Variants in KLKB1 observed in about 807,000 individuals in gnomAD.
The protein encoded by KLKB1 is kallikrein B1.
KLKB1 carries 58 observed loss-of-function variants against 73.6 expected under a neutral mutation model. That is an observed-to-expected ratio of 0.79 (90% CI 0.64 to 0.98). KLKB1 has a LOEUF of 0.98. Ranked by LOEUF, KLKB1 falls within the 50% of genes least tolerant of loss-of-function variation. The probability of loss-of-function intolerance (pLI) is 0.00; values close to 1 mark genes in which losing one functional copy is unlikely to be tolerated. For synonymous variants in KLKB1, 280 were observed against 258.1 expected (o/e 1.08, Z -0.81); for missense variants, 737 against 763.8 (o/e 0.96, Z 0.41).
At chr4:186,229,803 G>T (rs1420681430) in intron 2 of KLKB1, among the ~76,000 whole-genome samples, 1 of 152,178 alleles carries the variant, frequency 6.6e-6, no homozygotes, top group African/African-American at 2.4e-5. Flanking sequence ...TCTCAGTTTT[G>T]GTCCATGTGG....
In KLKB1 at chr4:186,253,022, G is replaced by A. The variant is rs925216435; in HGVS notation, c.1313+837G>A. Among the ~76,000 whole-genome samples the A allele has an allele frequency of 3.9e-4, 59 of 152,314 alleles. 1 individual carries two copies. The highest frequency in any genetic ancestry group is 1.3e-3 in the African/African-American group (55 of 41,564). On this transcript the variant is annotated intron_variant, in intron 11 of 14. Coordinates refer to ENST00000264690, the MANE Select transcript of KLKB1 (RefSeq NM_000892.5). ...GACAGCTTTGCTGCTTATTAGAGGT[G>A]TGGCCCTAGAAGATTTGTAAATCCC...
chr4:186,220,487 A>G (rs1737009275), intron 2 of KLKB1, among the ~76,000 whole-genome samples: 1 of 151,914 alleles, frequency 6.6e-6, no homozygotes, highest in Non-Finnish European at 1.5e-5. Flanking sequence ...CACTCCCCAT[A>G]CTCTGGCTAC....
chr4:186,216,011 G>A (rs149389389), intron 2 of KLKB1, among the ~76,000 whole-genome samples: 7 of 152,242 alleles, frequency 4.6e-5, no homozygotes, highest in East Asian at 3.9e-4. Context: ...GCAATTGGAC[G>A]GAACCTCAAG....
chr4:186,238,231 A>G (rs1737799823), intron 5 of KLKB1, 25 bp from the exon 6 acceptor site: 1 of 1,501,948 alleles, frequency 6.7e-7, no homozygotes, highest in East Asian at 2.3e-5. Context: ...CAGAAAGCAA[A>G]GTAACCTCTT....
intron 2 of KLKB1, among the ~76,000 whole-genome samples, chr4:186,216,665 T>C (rs1736910589): frequency 6.6e-6 from 1 of 152,154 alleles, no homozygotes; most frequent in Admixed American, 6.5e-5. Flanking sequence ...TGTTGGAATA[T>C]TCAGTGCTTT....
At chr4:186,252,444 C>G (rs961626921) in intron 11 of KLKB1, among the ~76,000 whole-genome samples, 1 of 152,074 alleles carries the variant, frequency 6.6e-6, no homozygotes, top group Non-Finnish European at 1.5e-5. Context: ...CCCCACTCCT[C>G]CAACCCACCA....
intron 2 of KLKB1, chr4:186,211,690 C>CACACACACAG (rs1736726764): frequency 9.1e-6 from 1 of 109,642 alleles, no homozygotes; most frequent in African/African-American, 3.0e-5. Context: ...CACACACACA[C>CACACACACAG]ACACACATAC....
At chr4:186,248,983 C>T (rs1389227176) in intron 6 of KLKB1, among the ~76,000 whole-genome samples, 1 of 152,074 alleles carries the variant, frequency 6.6e-6, no homozygotes, top group Non-Finnish European at 1.5e-5. Flanking sequence ...TTGGGAAAAT[C>T]TCTGTTTAAA....
intron 6 of KLKB1, among the ~76,000 whole-genome samples, chr4:186,244,649 G>C (rs1738233216): frequency 2.0e-5 from 3 of 150,508 alleles, no homozygotes; most frequent in African/African-American, 7.4e-5. Context: ...GGATAGGAGA[G>C]TATATGGCTT....
Position 186,251,756 on chromosome 4 carries a change from T to C in KLKB1, c.1039T>C (p.Cys347Arg). Reference protein sequence around the residue: ...PEDCKEEKCKCFLRLSMDGSP... With the variant: ...PEDCKEEKCKRFLRLSMDGSP... ...ACTGTTCATTTCATCTAGGTGTAAG[T>C]GTTTCTTAAGATTATCTATGGATGG... The change falls in exon 10 of 15, where the codon TGT becomes CGT. Residue 347 changes from cysteine to arginine, a missense_variant. Coordinates refer to ENST00000264690, the MANE Select transcript of KLKB1 (RefSeq NM_000892.5). 6.2e-7 allele frequency: 1 copy of C among 1,612,748 alleles called. No individual in the cohort carries two copies. Among genetic ancestry groups the C allele is most frequent in the East Asian group, 2.2e-5 (1 of 44,870 alleles).
In KLKB1 at chr4:186,227,547, GTGA is replaced by G. The variant is rs1737207901; in HGVS notation, c.-41_-39del. 1 of 152,290 alleles carries G rather than the reference GTGA, an allele frequency of 6.6e-6. No homozygotes were observed. The highest frequency in any genetic ancestry group is 1.5e-5 in the Non-Finnish European group (1 of 68,118). The allele number at this position is 152,290 out of a possible 1,614,324, so 9.4% of individuals were successfully genotyped here. A position where few individuals can be genotyped will look rare whatever the true frequency, so the allele number is the denominator to read the frequency against. On this transcript the variant is annotated 5_prime_UTR_variant, in exon 1 of 15. Coordinates refer to ENST00000264690, the MANE Select transcript of KLKB1 (RefSeq NM_000892.5). ...CAGCTTGAAGACCGTTCATTTTTAA[GTGA>G]CAAGAGACTCACCTCCAAGAAGCAA...
At chr4:186,257,106 T>C in intron 13 of KLKB1, 120 bp from the exon 14 acceptor site, 1 of 583,290 alleles carries the variant, frequency 1.7e-6, no homozygotes, top group Admixed American at 3.3e-5. Context: ...TGATTCACTT[T>C]AAAACTTATT....
chr4:186,222,707 T>G (rs1015538432), upstream of KLKB1, among the ~76,000 whole-genome samples: 1 of 152,218 alleles, frequency 6.6e-6, no homozygotes, highest in Non-Finnish European at 1.5e-5. Context: ...AGTATTGGAG[T>G]ATTCTGTATT....
chr4:186,257,434 A>G (rs1739062509), intron 14 of KLKB1, 69 bp downstream of exon 14: 1 of 1,418,442 alleles, frequency 7.0e-7, no homozygotes, highest in Non-Finnish European at 9.5e-7. Context: ...ATATTTTCCA[A>G]TAGCATAATT....
intron 7 of KLKB1, among the ~76,000 whole-genome samples, chr4:186,250,696 C>T (rs1738622456): frequency 6.6e-6 from 1 of 152,194 alleles, no homozygotes; most frequent in South Asian, 2.1e-4. Flanking sequence ...AGATTCAAAA[C>T]ATGATCTTCA....
At chr4:186,251,198 G>GT (rs1738652065) in intron 7 of KLKB1, 21 bp from the exon 8 acceptor site, 1 of 1,462,648 alleles carries the variant, frequency 6.8e-7, no homozygotes, top group Non-Finnish European at 9.5e-7. Flanking sequence ...TTTCTCTCTT[G>GT]CTTTTTTTTA....
chr4:186,220,067 A>T (rs1736999344), intron 2 of KLKB1, among the ~76,000 whole-genome samples: 1 of 151,986 alleles, frequency 6.6e-6, no homozygotes, highest in Non-Finnish European at 1.5e-5. Flanking sequence ...TTCTGGTGGC[A>T]GCATTTTTCC....
chr4:186,236,068 C>G (rs111291530), intron 4 of KLKB1, among the ~76,000 whole-genome samples: 1 of 143,680 alleles, frequency 7.0e-6, no homozygotes, highest in Non-Finnish European at 1.5e-5. Flanking sequence ...GAGTCGAGAT[C>G]GCGCCACTGC....
In KLKB1 at chr4:186,256,030, A is replaced by G. The variant is rs758628260; in HGVS notation, c.1528A>G (p.Thr510Ala). The G allele has an allele frequency of 6.2e-7, 1 of 1,613,526 alleles. No homozygotes were observed. Among genetic ancestry groups the G allele is most frequent in the Non-Finnish European group, 8.5e-7 (1 of 1,179,414 alleles). Reference sequence around the variant, plus strand: ...AATATGCCTACCTTCCAAAGGTGACACAAGCACAATTTATACCAACTGTTG... The same window carrying G: ...AATATGCCTACCTTCCAAAGGTGACGCAAGCACAATTTATACCAACTGTTG... ...KPICLPSKGD[T>A]STIYTNCWVT... The change falls in exon 13 of 15, where the codon ACA becomes GCA. Residue 510 changes from threonine to alanine, a missense_variant. Transcript: ENST00000264690.
Sources: gnomAD v4.1 joint callset for allele counts (sites outside exome capture counted in the v4.1 genomes callset) on GRCh38, gnomAD v4.1.1 for gene constraint, MANE v1.5 for transcripts, NCBI Gene and HGNC (gene_info 2026-07-23, HGNC 2026-07-21) for gene names.